ESR1: variants seen among roughly 807,000 people sequenced by gnomAD.
The protein encoded by ESR1 is estrogen receptor.
A neutral mutation model predicts 52.7 loss-of-function variants in ESR1; 12 were observed. That is an observed-to-expected ratio of 0.23 (90% CI 0.15 to 0.37). The LOEUF (loss-of-function observed/expected upper bound fraction) is 0.37. Ranked by LOEUF, ESR1 falls within the 10% of genes least tolerant of loss-of-function variation. The pLI, the probability that ESR1 is intolerant of heterozygous loss-of-function variation, is 1.00. For synonymous variants in ESR1, 305 were observed against 316.8 expected (o/e 0.96, Z 0.39); for missense variants, 584 against 779.7 (o/e 0.75, Z 2.99).
At chr6:151,971,077 C>A (rs112631592) in intron 4 of ESR1, among the ~76,000 whole-genome samples, 3 of 152,126 alleles carry the variant, frequency 2.0e-5, no homozygotes, top group African/African-American at 7.2e-5. Flanking sequence ...ATCTTATACA[C>A]CATAGATAAT....
chr6:151,854,832 T>C (rs1272245199), intron 2 of ESR1, among the ~76,000 whole-genome samples: 1 of 152,238 alleles, frequency 6.6e-6, no homozygotes, highest in African/African-American at 2.4e-5. Context: ...TAAATTATAG[T>C]TCATAAAATA....
chr6:152,077,748 C>T (rs2048859759), intron 6 of ESR1, among the ~76,000 whole-genome samples: 1 of 152,168 alleles, frequency 6.6e-6, no homozygotes, highest in Non-Finnish European at 1.5e-5. Context: ...GGATTTTAGA[C>T]TTGTGTGGGC....
rs375989638 is a variant in ESR1 at position 151,813,652 on chromosome 6, ATTT to A, written c.452+5292_452+5294del. Among the ~76,000 whole-genome samples, 1,369 of 152,258 alleles carry A rather than the reference ATTT, an allele frequency of 9.0e-3. 26 individuals are homozygous for A. The highest frequency in any genetic ancestry group is 0.032 in the African/African-American group (1,315 of 41,540). On this transcript the variant is annotated intron_variant, in intron 1 of 7. Transcript: ENST00000206249. ...CCCAAAATTCCAAGCAAGACTGAAA[ATTT>A]TTTGTCTCTCCTCTGAACTATTTAG...
At chr6:152,122,311 A>T in intron 6 of ESR1, 2 of 1,480,432 alleles carry the variant, frequency 1.4e-6, no homozygotes, top group South Asian at 1.2e-5. Context: ...GATCTGGAGG[A>T]GGGCTAAAGC....
At chr6:152,041,370 G>C (rs1334917297) in intron 5 of ESR1, among the ~76,000 whole-genome samples, 1 of 152,170 alleles carries the variant, frequency 6.6e-6, no homozygotes, top group Non-Finnish European at 1.5e-5. Flanking sequence ...TTGATAAATG[G>C]GCTGGAGTAA....
At chr6:151,776,334 A>G (rs1161690674) in intron 2 of ESR1, among the ~76,000 whole-genome samples, 1 of 152,232 alleles carries the variant, frequency 6.6e-6, no homozygotes, top group Non-Finnish European at 1.5e-5. Flanking sequence ...GGGCAAGACC[A>G]GTGGTTCTTC....
intron 3 of ESR1, among the ~76,000 whole-genome samples, chr6:151,918,171 T>A (rs1259089771): frequency 6.6e-6 from 1 of 152,224 alleles, no homozygotes; most frequent in Non-Finnish European, 1.5e-5. Flanking sequence ...TCAGTCATGC[T>A]GTTGCAGCTG....
upstream of ESR1, chr6:151,807,667 G>A: frequency 1.7e-6 from 1 of 597,276 alleles, no homozygotes; most frequent in Non-Finnish European, 3.0e-6. Context: ...AAAGTTGGAG[G>A]CCCGGGAGCC....
At chr6:151,756,029 T>C (rs1277604379) in intron 2 of ESR1, among the ~76,000 whole-genome samples, 4 of 152,220 alleles carry the variant, frequency 2.6e-5, no homozygotes, top group Admixed American at 6.5e-5. Flanking sequence ...TGTTCTTTGC[T>C]ACCCCTTGAG....
At chr6:152,030,698 A>T (rs1414876769) in intron 5 of ESR1, among the ~76,000 whole-genome samples, 1 of 152,212 alleles carries the variant, frequency 6.6e-6, no homozygotes, top group East Asian at 1.9e-4. Context: ...GGGAGACTTT[A>T]ACATCCCACT....
intron 4 of ESR1, among the ~76,000 whole-genome samples, chr6:151,979,424 T>A (rs2039778244): frequency 6.6e-6 from 1 of 152,174 alleles, no homozygotes; most frequent in East Asian, 1.9e-4. Flanking sequence ...CATTTCCTCC[T>A]TTATTATTTT....
At chr6:152,026,770 T>C (rs564488724) in intron 5 of ESR1, among the ~76,000 whole-genome samples, 2 of 152,138 alleles carry the variant, frequency 1.3e-5, no homozygotes, top group African/African-American at 2.4e-5. Flanking sequence ...TGAGCAGTAG[T>C]AAAATTAGCT....
intron 4 of ESR1, among the ~76,000 whole-genome samples, chr6:151,959,417 T>A (rs1446174327): frequency 6.6e-6 from 1 of 152,190 alleles, no homozygotes; most frequent in African/African-American, 2.4e-5. Context: ...TTTTTCCTTT[T>A]AAAAAAAGTT....
At chr6:151,662,900 T>C (rs1289778947) in intron 1 of ESR1, among the ~76,000 whole-genome samples, 1 of 152,264 alleles carries the variant, frequency 6.6e-6, no homozygotes, top group Non-Finnish European at 1.5e-5. Context: ...TTTGTGCAGC[T>C]AGTAAATTAA....
intron 3 of ESR1, among the ~76,000 whole-genome samples, chr6:151,921,191 T>C (rs2031591965): frequency 6.6e-6 from 1 of 152,180 alleles, no homozygotes; most frequent in Admixed American, 6.5e-5. Context: ...GGTGTTTGGG[T>C]CTCTGTTCCT....
chr6:151,951,211 C>T (rs2036285900), intron 4 of ESR1, among the ~76,000 whole-genome samples: 1 of 152,028 alleles, frequency 6.6e-6, no homozygotes, highest in Non-Finnish European at 1.5e-5. Flanking sequence ...CATTTGAATT[C>T]ATCCTGGTAT....
intron 3 of ESR1, among the ~76,000 whole-genome samples, chr6:151,908,017 G>A (rs1306357814): frequency 6.6e-6 from 1 of 152,152 alleles, no homozygotes; most frequent in Non-Finnish European, 1.5e-5. Context: ...ATGTGATTCT[G>A]GAAGGGTATG....
intron 2 of ESR1, among the ~76,000 whole-genome samples, chr6:151,763,458 T>G (rs9479109): frequency 0.068 from 10,342 of 152,224 alleles, 688 homozygotes; most frequent in East Asian, 0.28. Context: ...AGCAAGGAAT[T>G]TTTTGGTTAT....
chr6:152,083,985 C>A (rs1301855041), intron 6 of ESR1, among the ~76,000 whole-genome samples: 1 of 152,142 alleles, frequency 6.6e-6, no homozygotes, highest in African/African-American at 2.4e-5. Context: ...ATGTTTATTG[C>A]AGCACTATTC....
Sources: allele counts gnomAD v4.1 joint callset (sites outside exome capture counted in the v4.1 genomes callset), GRCh38; gene constraint gnomAD v4.1.1; transcripts MANE v1.5; gene names NCBI Gene and HGNC (gene_info 2026-07-23, HGNC 2026-07-21).